The following MARK1 variants were observed in gnomAD, a reference collection of about 807,000 sequenced individuals.
MARK1 encodes the protein microtubule affinity regulating kinase 1.
Under a neutral mutation model 96.3 loss-of-function variants are expected in MARK1, and 40 were observed. That is an observed-to-expected ratio of 0.42 (90% CI 0.32 to 0.54). The LOEUF (loss-of-function observed/expected upper bound fraction) is 0.54. MARK1 is among the 20% of genes least tolerant of loss of function. The pLI, the probability that MARK1 is intolerant of heterozygous loss-of-function variation, is 0.16. For synonymous variants in MARK1, 317 were observed against 341.2 expected, an observed-to-expected ratio of 0.93 and a Z score of 0.78; for missense variants, 719 against 984.6, an observed-to-expected ratio of 0.73 and a Z score of 3.61.
At chr1:220,575,183 C>T (rs757295657) in intron 1 of MARK1, among the ~76,000 whole-genome samples, 2 of 152,162 alleles carry the variant, frequency 1.3e-5, no homozygotes, top group Admixed American at 6.5e-5. Flanking sequence ...ACTTTGACTA[C>T]ACTGCACACT....
chr1:220,644,189 C>T (rs1229309732), intron 13 of MARK1, among the ~76,000 whole-genome samples: 1 of 152,052 alleles, frequency 6.6e-6, no homozygotes, highest in African/African-American at 2.4e-5. Context: ...TGTGCAGAGA[C>T]ACACATAGGC....
intron 13 of MARK1, among the ~76,000 whole-genome samples, chr1:220,642,987 C>T (rs927962633): frequency 2.0e-5 from 3 of 152,106 alleles, no homozygotes; most frequent in East Asian, 1.9e-4. Context: ...CATAAATCCA[C>T]GAAAATGAGG....
intron 1 of MARK1, among the ~76,000 whole-genome samples, chr1:220,537,253 A>C (rs1660770039): frequency 1.1e-5 from 1 of 90,460 alleles, no homozygotes; most frequent in Non-Finnish European, 2.0e-5. Flanking sequence ...CCCACCCCAC[A>C]ACAGTCCCCA....
chr1:220,575,159 C>A (rs879523531), intron 1 of MARK1, among the ~76,000 whole-genome samples: 3 of 152,144 alleles, frequency 2.0e-5, no homozygotes, highest in Non-Finnish European at 2.9e-5. Flanking sequence ...CTAATGAAAT[C>A]ATTATCTCTG....
intron 1 of MARK1, among the ~76,000 whole-genome samples, chr1:220,536,459 A>G (rs1660690348): frequency 6.6e-6 from 1 of 151,534 alleles, no homozygotes; most frequent in South Asian, 2.1e-4. Context: ...TACATTTTAT[A>G]CAATTATGAC....
chr1:220,547,463 T>A lies in MARK1; in HGVS notation c.51+18590T>A, dbSNP rs568661957. ...AAAACAAGGAGAGGTAAGAGTATGG[T>A]CACTGAGGAGACTCTACTCCCCTTT... On this transcript the variant is annotated intron_variant, in intron 1 of 17. Transcript: ENST00000366917. Among the ~76,000 whole-genome samples, 8 of 152,310 alleles carry A rather than the reference T, an allele frequency of 5.3e-5. No individual in the cohort carries two copies. In the East Asian group the frequency reaches 1.5e-3, roughly 29 times the overall value.
intron 9 of MARK1, among the ~76,000 whole-genome samples, chr1:220,625,317 T>C (rs929833252): frequency 4.6e-5 from 7 of 152,336 alleles, no homozygotes; most frequent in African/African-American, 1.7e-4. Flanking sequence ...CGAGGTTTTA[T>C]TCATTCAATT....
intron 9 of MARK1, among the ~76,000 whole-genome samples, chr1:220,623,215 G>C (rs966904240): frequency 6.6e-6 from 1 of 151,918 alleles, no homozygotes; most frequent in African/African-American, 2.4e-5. Context: ...GCTCTCTCCT[G>C]TCACCCAGTA....
Position 220,653,147 on chromosome 1 carries a change from A to C in MARK1, c.1783A>C (p.Ser595Arg). The C allele has an allele frequency of 6.2e-7, 1 of 1,614,236 alleles. No individual in the cohort carries two copies. Among genetic ancestry groups the C allele is most frequent in the Non-Finnish European group, 8.5e-7 (1 of 1,180,034 alleles). ...TGCTTCCCCATCTGCTCACAGTATT[A>C]GTACTGCGACTCCAGACCGGACCCG... is the stretch of plus-strand genomic sequence containing the variant. ...PAASPSAHSI[S>R]TATPDRTRFP... Residue 595 changes from serine to arginine, a missense_variant, in exon 16 of 18, where the codon AGT (serine) becomes CGT (arginine). Transcript: ENST00000366917.
chr1:220,616,943 TAGAG>T (rs1214494854), intron 7 of MARK1, among the ~76,000 whole-genome samples: 1 of 152,160 alleles, frequency 6.6e-6, no homozygotes, highest in Non-Finnish European at 1.5e-5. Flanking sequence ...TCCAGTCCAA[TAGAG>T]AGAGTTTTCC....
chr1:220,556,485 C>CAAAAAA (rs55808704), intron 1 of MARK1, among the ~76,000 whole-genome samples: 53 of 85,720 alleles, frequency 6.2e-4, no homozygotes, highest in East Asian at 1.8e-3. Context: ...GGGACTGTCA[C>CAAAAAA]AAAAAAAAAA....
intron 1 of MARK1, chr1:220,571,738 TAGAGACA>T (rs1663475202): frequency 6.6e-6 from 1 of 152,224 alleles, no homozygotes; most frequent in Non-Finnish European, 1.5e-5. Flanking sequence ...TTTATTTCTT[TAGAGACA>T]GGGTCTCACT....
intron 1 of MARK1, among the ~76,000 whole-genome samples, chr1:220,540,837 C>T (rs185379131): frequency 1.3e-3 from 201 of 151,708 alleles, no homozygotes; most frequent in African/African-American, 4.6e-3. Flanking sequence ...CTGCTCTAAT[C>T]TTTTTTATTT....
At chr1:220,626,482 T>G (rs1185138813) in intron 9 of MARK1, 1 of 535,458 alleles carries the variant, frequency 1.9e-6, no homozygotes, top group Non-Finnish European at 3.8e-6. Flanking sequence ...ACAGTGTGGC[T>G]CAGACTCCTT....
At chr1:220,529,020 C>G in intron 1 of MARK1, 147 bp downstream of exon 1, 1 of 717,160 alleles carries the variant, frequency 1.4e-6, no homozygotes, top group Non-Finnish European at 2.3e-6. Context: ...CCCTCACCCA[C>G]TGCTCAGCCC....
chr1:220,538,695 A>T (rs908018817), intron 1 of MARK1, among the ~76,000 whole-genome samples: 2 of 151,990 alleles, frequency 1.3e-5, no homozygotes, highest in African/African-American at 4.8e-5. Context: ...GATTCTTCCT[A>T]CCCATGAGCA....
At chr1:220,585,810 C>G (rs1467548061) in intron 3 of MARK1, among the ~76,000 whole-genome samples, 1 of 152,132 alleles carries the variant, frequency 6.6e-6, no homozygotes, top group Non-Finnish European at 1.5e-5. Context: ...TTACCTAATG[C>G]TTATTCATTT....
intron 1 of MARK1, among the ~76,000 whole-genome samples, chr1:220,534,960 C>T (rs1229823501): frequency 6.6e-6 from 1 of 152,028 alleles, no homozygotes; most frequent in Non-Finnish European, 1.5e-5. Flanking sequence ...CTTCTTGGCT[C>T]TTATAAATAA....
At chr1:220,649,227 CTT>C (rs967100858) in intron 13 of MARK1, among the ~76,000 whole-genome samples, 3 of 147,224 alleles carry the variant, frequency 2.0e-5, no homozygotes, top group East Asian at 3.9e-4. Context: ...TGGACCAAGT[CTT>C]TTTTTTTTTT....
Sources: gnomAD v4.1 joint callset for allele counts (sites outside exome capture counted in the v4.1 genomes callset) on GRCh38, gnomAD v4.1.1 for gene constraint, MANE v1.5 for transcripts, NCBI Gene and HGNC (gene_info 2026-07-23, HGNC 2026-07-21) for gene names.